ZNF217: variants seen among roughly 807,000 people sequenced by gnomAD.
The protein encoded by ZNF217 is zinc finger protein 217.
A neutral mutation model predicts 73.3 loss-of-function variants in ZNF217; 12 were observed. The observed-to-expected ratio is 0.16, with a 90% CI of 0.10 to 0.27. The LOEUF (loss-of-function observed/expected upper bound fraction) is 0.27. Ranked by LOEUF, ZNF217 falls within the 10% of genes least tolerant of loss-of-function variation. The pLI, the probability that ZNF217 is intolerant of heterozygous loss-of-function variation, is 1.00. For missense variants in ZNF217, 1,195 were observed against 1,327.8 expected (o/e 0.90, Z 1.55); for synonymous variants, 588 against 516.4 (o/e 1.14, Z -1.88).
rs962147688 is a variant in ZNF217, at chr20:53,576,103, C to T, written c.2661G>A (p.Lys887=). The change falls in exon 4 of 6, where the codon AAG becomes AAA. Residue 887 remains lysine (K), a synonymous_variant. Transcript: ENST00000371471. ...NINGSIDYPA[K]NDSPWAPPGR... ...CCGGAGGTGCCCACGGGCTGTCGTT[C>T]TTGGCGGGGTAGTCGATGGAACCAT... 2 of 1,614,180 alleles carry T rather than the reference C, an allele frequency of 1.2e-6. No homozygotes were observed. Among genetic ancestry groups the T allele is most frequent in the Non-Finnish European group, 1.7e-6 (2 of 1,180,034 alleles).
chr20:53,569,440 C>T (rs1231893640), intron 5 of ZNF217, among the ~76,000 whole-genome samples, 176 bp from the exon 6 acceptor site: 7 of 152,060 alleles, frequency 4.6e-5, no homozygotes, highest in African/African-American at 1.7e-4. Flanking sequence ...TGGAGTGCAG[C>T]GGCACGATCT....
rs756187210 is a variant in ZNF217 at position 53,576,070 on chromosome 20, G to T, written c.2694C>A (p.Asp898Glu). Residue 898 changes from aspartate to glutamate, a missense_variant, in exon 4 of 6, where the codon GAC becomes GAA. By Grantham distance (45) the Asp-to-Glu change is conservative. Transcript: ENST00000371471. ...NDSPWAPPGR[D>E]YFCNRSASNT... ...TGCTGGCACTCCGATTACAGAAATA[G>T]TCTCTTCCCGGAGGTGCCCACGGGC... The T allele has an allele frequency of 6.2e-7, 1 of 1,614,114 alleles. No homozygotes were observed. The highest frequency in any genetic ancestry group is 1.3e-5 in the African/African-American group (1 of 74,944).
chr20:53,583,373 G>C (rs1988580738), intron 1 of ZNF217, among the ~76,000 whole-genome samples: 1 of 152,148 alleles, frequency 6.6e-6, no homozygotes. Context: ...TATTAAATCA[G>C]AATTTCATCC....
intron 4 of ZNF217, chr20:53,575,493 A>G: frequency 2.3e-6 from 1 of 444,408 alleles, no homozygotes; most frequent in Non-Finnish European, 4.0e-6. Context: ...GTAAGACTAA[A>G]CAAATCAAAA....
rs112155907 is a variant in ZNF217 at position 53,576,108 on chromosome 20, C to A, written c.2656G>T (p.Ala886Ser). 6.2e-7 allele frequency: 1 copy of A among 1,614,142 alleles called. No homozygotes were observed. Among genetic ancestry groups the A allele is most frequent in the Non-Finnish European group, 8.5e-7 (1 of 1,180,032 alleles). ...SNINGSIDYP[A>S]KNDSPWAPPG... ...GGTGCCCACGGGCTGTCGTTCTTGG[C>A]GGGGTAGTCGATGGAACCATTGATG... Residue 886 changes from alanine (A) to serine (S), a missense_variant, in exon 4 of 6, where the codon GCC becomes TCC. Physicochemically the swap from Ala to Ser is moderately conservative, Grantham distance 99. This residue lies in a region of ZNF217 where 649 missense variants were observed against 642.8 expected (regional missense o/e 1.01). Coordinates refer to ENST00000371471, the MANE Select transcript of ZNF217 (RefSeq NM_006526.3).
At position 53,571,739 on chromosome 20, in the gene ZNF217, G is replaced by A. The variant is rs755547903; in HGVS notation, c.*5C>T. ...TGCTCACCTTTTTTCCCCCTAATTA[G>A]TGAATCAAGTTTTTTTGTCATTTGG... On this transcript the variant is annotated 3_prime_UTR_variant, in exon 5 of 6. Transcript: ENST00000371471. The A allele has an allele frequency of 2.5e-6, 4 of 1,606,992 alleles. No homozygotes were observed. The South Asian group carries it at 4.5e-5, about 18-fold the overall frequency.
intron 2 of ZNF217, among the ~76,000 whole-genome samples, chr20:53,580,916 A>T (rs1988456696): frequency 6.6e-6 from 1 of 152,160 alleles, no homozygotes. Flanking sequence ...GAAAAACTTA[A>T]GTGAAGGCTA....
chr20:53,570,549 A>T (rs1336627150), intron 5 of ZNF217: 1 of 152,660 alleles, frequency 6.6e-6, no homozygotes, highest in African/African-American at 2.4e-5. Flanking sequence ...AATGAGTCAT[A>T]GTATAACCTG....
intron 3 of ZNF217, among the ~76,000 whole-genome samples, chr20:53,577,735 T>C (rs1988335298): frequency 6.6e-6 from 1 of 152,208 alleles, no homozygotes; most frequent in South Asian, 2.1e-4. Context: ...AGACATAAGA[T>C]GCAGCATTTT....
rs370520924 is a variant in ZNF217, at chr20:53,571,850, T to C, written c.3041A>G (p.Lys1014Arg). ...TAAGTGTTGATATGACACAGGCCTT[T>C]TTCCTGATTGAAAAAAAAAACATAT... is the stretch of plus-strand genomic sequence containing the variant. The part of the protein sequence containing the change: ...SPASSSTLEG[K>R]RPVSYQHLSN... The change falls in exon 5 of 6, where the codon AAA (lysine) becomes AGA (arginine). Residue 1014 changes from lysine (K) to arginine (R), a missense_variant. Lys to Arg is a conservative substitution (Grantham distance 26). Coordinates refer to ENST00000371471, the MANE Select transcript of ZNF217 (RefSeq NM_006526.3). 78 of 1,591,798 alleles carry C rather than the reference T, an allele frequency of 4.9e-5. No homozygotes were observed. The African/African-American group carries it at 1.0e-3, about 20-fold the overall frequency.
intron 1 of ZNF217, among the ~76,000 whole-genome samples, chr20:53,592,256 C>T (rs1001190734): frequency 6.6e-6 from 1 of 152,146 alleles, no homozygotes; most frequent in African/African-American, 2.4e-5. Context: ...TTACTTTCTC[C>T]GTGTTTAGGA....
At chr20:53,596,800 A>AACAAAGAG (rs1989047963), upstream of ZNF217, among the ~76,000 whole-genome samples, 1 of 151,978 alleles carries the variant, frequency 6.6e-6, no homozygotes, top group Admixed American at 6.6e-5. Context: ...CCAGCAAAAA[A>AACAAAGAG]ACAAAGAATG....
intron 5 of ZNF217, chr20:53,570,226 G>A (rs575724243): frequency 6.6e-6 from 1 of 152,594 alleles, no homozygotes; most frequent in Non-Finnish European, 1.5e-5. Flanking sequence ...TTCCTGTGAT[G>A]ACAAAGCTTT....
chr20:53,577,182 C>T lies in ZNF217; in HGVS notation c.1582G>A (p.Asp528Asn), dbSNP rs1033726870. Residue 528 changes from aspartate (D) to asparagine (N), a missense_variant, in exon 4 of 6, where the codon GAT becomes AAT. This residue lies in a region of ZNF217 where 12 missense variants were observed against 53.8 expected (regional missense o/e 0.22). Coordinates refer to ENST00000371471, the MANE Select transcript of ZNF217 (RefSeq NM_006526.3). ...LERHHKEKQT[D>N]VAAEVKNDGK... ...TCGTTCTTGACTTCAGCAGCAACAT[C>T]GGTTTGTTTTTCCTTGTGATGTCTC... 2 of 1,613,322 alleles carry T rather than the reference C, an allele frequency of 1.2e-6. No individual in the cohort carries two copies. Among genetic ancestry groups the T allele is most frequent in the African/African-American group, 1.3e-5 (1 of 75,056 alleles).
Position 53,578,401 on chromosome 20 carries a change from C to T in ZNF217, c.1416G>A (p.Glu472=). ...GGAAAAACTTTCCACAATAACTACACTCTCTTGAAGATGTAAGATGTTTTA... is the reference window on the plus strand; with the variant it reads ...GGAAAAACTTTCCACAATAACTACATTCTCTTGAAGATGTAAGATGTTTTA... ...GKIKHLTSSR[E]CSYCGKFFRS... is the part of the protein sequence containing the mutation. Residue 472 remains glutamate, a synonymous_variant, in exon 3 of 6, where the codon GAG becomes GAA. Coordinates refer to ENST00000371471, the MANE Select transcript of ZNF217 (RefSeq NM_006526.3). 1.3e-6 allele frequency: 2 copies of T among 1,595,940 alleles called. No homozygotes were observed. Among genetic ancestry groups the T allele is most frequent in the Non-Finnish European group, 1.7e-6 (2 of 1,174,528 alleles).
chr20:53,572,366 T>C (rs903922632), intron 4 of ZNF217, among the ~76,000 whole-genome samples: 4 of 151,828 alleles, frequency 2.6e-5, no homozygotes, highest in African/African-American at 2.4e-5. Flanking sequence ...TGAGCCGTGA[T>C]TGCCCCCACT....
At chr20:53,587,689 C>T (rs1473751651) in intron 1 of ZNF217, among the ~76,000 whole-genome samples, 1 of 151,286 alleles carries the variant, frequency 6.6e-6, no homozygotes, top group Admixed American at 6.6e-5. Context: ...AAAAATTCAA[C>T]TTAAATTGCT....
At chr20:53,589,626 G>C (rs1243558592) in intron 1 of ZNF217, among the ~76,000 whole-genome samples, 1 of 152,208 alleles carries the variant, frequency 6.6e-6, no homozygotes, top group Non-Finnish European at 1.5e-5. Context: ...CTTAAAGTCA[G>C]ATTTCTATCT....
chr20:53,594,696 G>GC (rs1418952929), upstream of ZNF217, among the ~76,000 whole-genome samples: 1 of 151,976 alleles, frequency 6.6e-6, no homozygotes, highest in Admixed American at 6.5e-5. Context: ...TGTCCCCGCC[G>GC]CCCCCTCCTC....
Sources: gnomAD v4.1 joint callset for allele counts (sites outside exome capture counted in the v4.1 genomes callset) on GRCh38, gnomAD v4.1.1 for gene constraint, gnomAD v4.1.1 regional missense constraint, MANE v1.5 for transcripts, NCBI Gene and HGNC (gene_info 2026-07-23, HGNC 2026-07-21) for gene names.